TSHZ2: variants seen among roughly 807,000 people sequenced by gnomAD.
TSHZ2 encodes the protein teashirt homolog 2.
In TSHZ2, 21 loss-of-function variants were observed where a neutral mutation model predicts 74.4. That is an observed-to-expected ratio of 0.28 (90% CI 0.20 to 0.41). The LOEUF is 0.41. Ranked by LOEUF, TSHZ2 falls within the 10% of genes least tolerant of loss-of-function variation. The probability of loss-of-function intolerance (pLI) is 1.00; values close to 1 mark genes in which losing one functional copy is unlikely to be tolerated. For synonymous variants in TSHZ2, 540 were observed against 515.3 expected (o/e 1.05, Z -0.65); for missense variants, 1,244 against 1,293.5 (o/e 0.96, Z 0.59).
intron 1 of TSHZ2, among the ~76,000 whole-genome samples, chr20:53,175,860 C>T (rs1988325244): frequency 6.6e-6 from 1 of 152,242 alleles, no homozygotes; most frequent in Non-Finnish European, 1.5e-5. Flanking sequence ...TTACTGGGCA[C>T]ATGCCAGCTG....
At chr20:53,031,561 C>T (rs1983639864) in intron 1 of TSHZ2, among the ~76,000 whole-genome samples, 2 of 152,116 alleles carry the variant, frequency 1.3e-5, no homozygotes, top group African/African-American at 4.8e-5. Context: ...TGCTTGGTGA[C>T]AGGGTCAGTA....
At chr20:53,131,239 G>T (rs73914920) in intron 1 of TSHZ2, among the ~76,000 whole-genome samples, 11,213 of 152,224 alleles carry the variant, frequency 0.074, 1,146 homozygotes, top group African/African-American at 0.23. Context: ...CTCCATATTA[G>T]ATTACATGTT....
intron 1 of TSHZ2, among the ~76,000 whole-genome samples, chr20:53,101,747 A>G (rs915074301): frequency 2.0e-5 from 3 of 152,126 alleles, no homozygotes; most frequent in South Asian, 4.1e-4. Flanking sequence ...GTTCATCATC[A>G]ATTTATTTTG....
At chr20:53,173,002 C>G (rs1432872162) in intron 1 of TSHZ2, among the ~76,000 whole-genome samples, 1 of 152,164 alleles carries the variant, frequency 6.6e-6, no homozygotes, top group African/African-American at 2.4e-5. Flanking sequence ...ATTTCCTGTT[C>G]TGTACAGTGG....
chr20:53,238,996 T>A (rs1018949599), intron 1 of TSHZ2, among the ~76,000 whole-genome samples: 2 of 152,066 alleles, frequency 1.3e-5, no homozygotes, highest in Admixed American at 1.3e-4. Flanking sequence ...AAATGGATGG[T>A]GGTTAGACGT....
chr20:53,206,963 A>G (rs1292869580), intron 1 of TSHZ2, among the ~76,000 whole-genome samples: 2 of 152,052 alleles, frequency 1.3e-5, no homozygotes, highest in African/African-American at 4.8e-5. Context: ...TCACTTTCTT[A>G]TTACTCTTCC....
At chr20:53,202,445 T>C (rs942418672) in intron 1 of TSHZ2, among the ~76,000 whole-genome samples, 1 of 152,186 alleles carries the variant, frequency 6.6e-6, no homozygotes. Context: ...TGTTGATACT[T>C]ACTAGTAATA....
chr20:53,495,278 A>T lies in TSHZ2; in HGVS notation c.*8143A>T, dbSNP rs1253564328. 1 of 152,148 alleles carries T rather than the reference A, an allele frequency of 6.6e-6. No individual in the cohort carries two copies. The highest frequency in any genetic ancestry group is 1.5e-5 in the Non-Finnish European group (1 of 68,036). 9.4% of individuals were successfully genotyped at this position (152,148 alleles called of 1,614,324 possible). A position where few individuals can be genotyped will look rare whatever the true frequency, so the allele number is the denominator to read the frequency against. ...ATGCTTTCTGGAGATGTTACTGTTA[A>T]ATGTCTTTCTACATCAGGCTTAATA... On this transcript the variant is annotated 3_prime_UTR_variant, in exon 3 of 3. Coordinates refer to ENST00000371497, the MANE Select transcript of TSHZ2 (RefSeq NM_173485.6).
At chr20:53,032,652 C>A (rs980285382) in intron 1 of TSHZ2, among the ~76,000 whole-genome samples, 1 of 152,076 alleles carries the variant, frequency 6.6e-6, no homozygotes, top group Non-Finnish European at 1.5e-5. Flanking sequence ...GGGGAAAAAT[C>A]ATTTCTCATT....
intron 1 of TSHZ2, among the ~76,000 whole-genome samples, chr20:53,199,007 G>A (rs754932809): frequency 1.3e-5 from 2 of 152,132 alleles, no homozygotes; most frequent in African/African-American, 2.4e-5. Context: ...ATCACTATTG[G>A]AATCCCACCT....
chr20:52,980,073 G>A lies in TSHZ2; in HGVS notation c.40+6740G>A, dbSNP rs150762115. On this transcript the variant is annotated intron_variant, in intron 1 of 2. Transcript: ENST00000371497. ...TGAAACTCTCTCTGGACACACAGATGTAAGACACTATATTACACAACACTT... is the reference window on the plus strand; with the variant it reads ...TGAAACTCTCTCTGGACACACAGATATAAGACACTATATTACACAACACTT... Among the ~76,000 whole-genome samples, 17 of 152,294 alleles carry A rather than the reference G, an allele frequency of 1.1e-4. No individual in the cohort carries two copies. In the East Asian group the frequency reaches 3.3e-3, roughly 29 times the overall value.
Position 53,074,659 on chromosome 20 carries a change from G to C in TSHZ2, c.40+101326G>C, listed in dbSNP as rs1391259923. On this transcript the variant is annotated intron_variant, in intron 1 of 2. Transcript: ENST00000371497. The surrounding 1 kb of genome is among the most constrained non-coding windows in gnomAD (Gnocchi z 5.9). ...TAAAGGACTATTCAGATTAAGAAAA[G>C]GCTACTTGGAAACTATAGATACTAA... 1.3e-5 allele frequency among the ~76,000 whole-genome samples: 2 copies of C among 152,114 alleles called. No individual in the cohort carries two copies. Among genetic ancestry groups the C allele is most frequent in the African/African-American group, 4.8e-5 (2 of 41,416 alleles).
intron 1 of TSHZ2, among the ~76,000 whole-genome samples, chr20:53,075,428 GGTA>G (rs1232806031): frequency 1.3e-5 from 2 of 152,194 alleles, no homozygotes; most frequent in African/African-American, 4.8e-5. Context: ...CTACTGGAAT[GGTA>G]GTAGGAAAAT....
chr20:53,484,987 C>A (rs905020430), intron 2 of TSHZ2, among the ~76,000 whole-genome samples: 1 of 152,106 alleles, frequency 6.6e-6, no homozygotes, highest in Non-Finnish European at 1.5e-5. Flanking sequence ...TGAACATTAC[C>A]ACCAAATAAC....
intron 2 of TSHZ2, among the ~76,000 whole-genome samples, chr20:53,320,052 C>T (rs950363375): frequency 2.0e-5 from 3 of 152,222 alleles, no homozygotes; most frequent in African/African-American, 7.2e-5. Context: ...GGCCAAGCAT[C>T]TTTCTGAGCC....
intron 2 of TSHZ2, among the ~76,000 whole-genome samples, chr20:53,390,114 C>T (rs976636279): frequency 3.9e-5 from 6 of 152,166 alleles, no homozygotes; most frequent in African/African-American, 9.7e-5. Flanking sequence ...TGCAAATGTG[C>T]GCATTTTCAA....
intron 2 of TSHZ2, among the ~76,000 whole-genome samples, chr20:53,319,467 G>A (rs1305776709): frequency 6.6e-6 from 1 of 152,242 alleles, no homozygotes; most frequent in Non-Finnish European, 1.5e-5. Context: ...GGCCTTCAGA[G>A]TCTGGCCGTT....
chr20:53,166,786 A>G (rs535401521), intron 1 of TSHZ2, among the ~76,000 whole-genome samples: 17 of 152,164 alleles, frequency 1.1e-4, no homozygotes, highest in Non-Finnish European at 2.2e-4. Flanking sequence ...TAATAATAAT[A>G]AAATAAAAAA....
chr20:53,233,434 G>A lies in TSHZ2; in HGVS notation c.41-20065G>A, dbSNP rs1171928440. The stretch of plus-strand genomic sequence containing the variant: ...TAGGGGACAGAAAAGATCTTCTAAG[G>A]GTGAGACCTTTACGCTAAAACTGGG... On this transcript the variant is annotated intron_variant, in intron 1 of 2. Coordinates refer to ENST00000371497, the MANE Select transcript of TSHZ2 (RefSeq NM_173485.6). Among the ~76,000 whole-genome samples, 6 of 152,176 alleles carry A rather than the reference G, an allele frequency of 3.9e-5. No individual in the cohort carries two copies. In the East Asian group the frequency reaches 1.2e-3, roughly 29 times the overall value.
Sources: allele counts gnomAD v4.1 joint callset (sites outside exome capture counted in the v4.1 genomes callset), GRCh38; gene constraint gnomAD v4.1.1; non-coding constraint Gnocchi (gnomAD v3.1); transcripts MANE v1.5; gene names NCBI Gene and HGNC (gene_info 2026-07-23, HGNC 2026-07-21).